PPP1R12B: variants seen among roughly 807,000 people sequenced by gnomAD.
PPP1R12B encodes protein phosphatase 1 regulatory subunit 12B, also known as myosin phosphatase target subunit 2.
PPP1R12B carries 76 observed loss-of-function variants against 126.1 expected under a neutral mutation model. That is an observed-to-expected ratio of 0.60 (90% confidence interval 0.50 to 0.73). PPP1R12B has a LOEUF of 0.73. Among genes scored for constraint, PPP1R12B ranks in the 30% least tolerant of loss-of-function variants. PPP1R12B has a pLI of 0.00. For synonymous variants in PPP1R12B, 356 were observed against 434.7 expected, an observed-to-expected ratio of 0.82 and a Z score of 2.25; for missense variants, 1,052 against 1,205.1, an observed-to-expected ratio of 0.87 and a Z score of 1.88.
chr1:202,477,573 T>C (rs532130700), intron 13 of PPP1R12B, among the ~76,000 whole-genome samples: 1 of 152,310 alleles, frequency 6.6e-6, no homozygotes, highest in South Asian at 2.1e-4. Context: ...TTTCTTTTCT[T>C]TTCTTTTTTA....
chr1:202,470,854 A>G (rs1675768730), intron 13 of PPP1R12B, among the ~76,000 whole-genome samples: 1 of 151,514 alleles, frequency 6.6e-6, no homozygotes, highest in Non-Finnish European at 1.5e-5. Flanking sequence ...GTAGTGAGCT[A>G]TGATCATGCC....
intron 15 of PPP1R12B, 124 bp downstream of exon 15, chr1:202,493,441 C>T: frequency 9.2e-7 from 1 of 1,086,440 alleles, no homozygotes; most frequent in Admixed American, 3.0e-5. Flanking sequence ...CTCAGTATGG[C>T]TGTCTTTAGT....
At chr1:202,560,631 G>T (rs1687417725) in intron 19 of PPP1R12B, among the ~76,000 whole-genome samples, 1 of 152,110 alleles carries the variant, frequency 6.6e-6, no homozygotes, top group African/African-American at 2.4e-5. Flanking sequence ...TTATCAGCAA[G>T]GTCTTTATGA....
chr1:202,549,920 G>A (rs546949049), intron 18 of PPP1R12B, among the ~76,000 whole-genome samples: 14 of 152,160 alleles, frequency 9.2e-5, no homozygotes, highest in Middle Eastern at 3.4e-3. Flanking sequence ...TGATCTCTCC[G>A]CTCCTATCCC....
At chr1:202,403,785 A>G (rs942948934) in intron 1 of PPP1R12B, among the ~76,000 whole-genome samples, 2 of 152,236 alleles carry the variant, frequency 1.3e-5, no homozygotes, top group Non-Finnish European at 2.9e-5. Context: ...AAAGACTTCT[A>G]AGACTTCCTT....
At position 202,431,549 on chromosome 1, in the gene PPP1R12B, T is replaced by C; in HGVS notation, c.1071T>C (p.Ser357=). 1 of 1,613,648 alleles carries C rather than the reference T, an allele frequency of 6.2e-7. No homozygotes were observed. Among genetic ancestry groups the C allele is most frequent in the Non-Finnish European group, 8.5e-7 (1 of 1,179,786 alleles). Residue 357 remains serine, a synonymous_variant, in exon 8 of 24, where the codon TCT becomes TCC. Coordinates refer to ENST00000608999, the MANE Select transcript of PPP1R12B (RefSeq NM_002481.4). ...AAATGGAGGAAGAAAATAAAGAATC[T>C]AGTAGCTCCAGCTCAGAGGAGGAGG... ...SQEMEEENKE[S]SSSSSEEEEG... is the part of the protein sequence containing the mutation.
At chr1:202,559,953 T>G (rs1241526136) in intron 19 of PPP1R12B, among the ~76,000 whole-genome samples, 1 of 152,118 alleles carries the variant, frequency 6.6e-6, no homozygotes, top group Non-Finnish European at 1.5e-5. Flanking sequence ...ATTAAAACAG[T>G]GAAGCACTAG....
At chr1:202,399,436 G>T (rs1338280262) in intron 1 of PPP1R12B, among the ~76,000 whole-genome samples, 4 of 151,796 alleles carry the variant, frequency 2.6e-5, no homozygotes, top group Non-Finnish European at 5.9e-5. Flanking sequence ...GTCCAAGCTG[G>T]TCTCAAACAA....
chr1:202,394,034 C>T lies in PPP1R12B; in HGVS notation c.292-22753C>T, dbSNP rs551966026. Among the ~76,000 whole-genome samples the T allele has an allele frequency of 1.8e-3, 275 of 152,268 alleles. 1 individual carries two copies. The highest frequency in any genetic ancestry group is 2.8e-3 in the Non-Finnish European group (189 of 68,022). On this transcript the variant is annotated intron_variant, in intron 1 of 23. Transcript: ENST00000608999. Reference sequence around the variant, plus strand: ...AGTACATATAATATGTCCCCATTTACGCTTTTAAAAATTCTGGAAGATGGC... The same window carrying T: ...AGTACATATAATATGTCCCCATTTATGCTTTTAAAAATTCTGGAAGATGGC...
At chr1:202,580,428 G>C in intron 23 of PPP1R12B, 46 bp from the exon 24 acceptor site, 1 of 1,520,236 alleles carries the variant, frequency 6.6e-7, no homozygotes, top group Non-Finnish European at 9.1e-7. Context: ...GGGCCAAGGA[G>C]GATCCTGCCA....
chr1:202,359,719 A>T (rs1571565799), intron 1 of PPP1R12B, among the ~76,000 whole-genome samples: 1 of 151,932 alleles, frequency 6.6e-6, no homozygotes, highest in East Asian at 2.0e-4. Flanking sequence ...CAGGAGAATC[A>T]CTTGAATCCG....
rs909302200 is a variant in PPP1R12B, at chr1:202,352,370, G to A, written c.291+3228G>A. 3.3e-5 allele frequency among the ~76,000 whole-genome samples: 5 copies of A among 152,034 alleles called. No homozygotes were observed. The South Asian group carries it at 1.0e-3, about 31-fold the overall frequency. On this transcript the variant is annotated intron_variant, in intron 1 of 23. Coordinates refer to ENST00000608999, the MANE Select transcript of PPP1R12B (RefSeq NM_002481.4). ...TGATATCTACCAAATTATTGCTGTGGGAAGAGGCAAGTGCCTACTTTCAGA... is the reference window on the plus strand; with the variant it reads ...TGATATCTACCAAATTATTGCTGTGAGAAGAGGCAAGTGCCTACTTTCAGA...
At position 202,367,786 on chromosome 1, in the gene PPP1R12B, C is replaced by T. The variant is rs187936638; in HGVS notation, c.291+18644C>T. ...TCTACAGTTTGATGGGTTTTGACAA[C>T]GTATACAACCATGTAACCAATATGG... On this transcript the variant is annotated intron_variant, in intron 1 of 23. Transcript: ENST00000608999. Among the ~76,000 whole-genome samples, 228 of 152,112 alleles carry T rather than the reference C, an allele frequency of 1.5e-3. 2 individuals are homozygous for T. The East Asian group carries it at 0.02, about 13-fold the overall frequency.
rs543617630 is a variant in PPP1R12B, at chr1:202,521,761, G to A, written c.2490+24939G>A. ...TACATCTGCTAGGAGTTGCAAAGGAGAAAAAAGAATGAATAAAAAAGTGGC... is the reference window on the plus strand; with the variant it reads ...TACATCTGCTAGGAGTTGCAAAGGAAAAAAAAGAATGAATAAAAAAGTGGC... On this transcript the variant is annotated intron_variant, in intron 18 of 23. Coordinates refer to ENST00000608999, the MANE Select transcript of PPP1R12B (RefSeq NM_002481.4). 2.0e-5 allele frequency among the ~76,000 whole-genome samples: 3 copies of A among 152,080 alleles called. No individual in the cohort carries two copies. The South Asian group carries it at 6.2e-4, about 32-fold the overall frequency.
intron 1 of PPP1R12B, among the ~76,000 whole-genome samples, chr1:202,350,596 G>A (rs779530640): frequency 6.6e-6 from 1 of 151,770 alleles, no homozygotes; most frequent in Non-Finnish European, 1.5e-5. Context: ...TCTTTGGGAA[G>A]GTGAATTCTT....
chr1:202,487,564 A>G (rs1026471722), intron 13 of PPP1R12B, among the ~76,000 whole-genome samples: 28 of 152,216 alleles, frequency 1.8e-4, no homozygotes, highest in African/African-American at 6.8e-4. Context: ...TAATACATTT[A>G]CAAACACAAT....
At chr1:202,417,321 A>C (rs558360716) in intron 2 of PPP1R12B, 39 of 985,204 alleles carry the variant, frequency 4.0e-5, no homozygotes, top group Middle Eastern at 5.2e-4. Flanking sequence ...AAATGAAGAT[A>C]AAAAATGCCT....
rs151303629 is a variant in PPP1R12B, at chr1:202,500,218, G to GCTCTCT, written c.2490+3418_2490+3423dup. 9.8e-3 allele frequency among the ~76,000 whole-genome samples: 1,440 copies of GCTCTCT among 146,222 alleles called. 13 individuals are homozygous for GCTCTCT. The highest frequency in any genetic ancestry group is 0.019 in the African/African-American group (759 of 39,478). ...GGTGCTCTCGCTGTCTCTCTCTCTT[G>GCTCTCT]CTCTCTCTCTCTCTCTCTCTCTCTC... On this transcript the variant is annotated intron_variant, in intron 18 of 23. Transcript: ENST00000608999.
chr1:202,387,705 C>T (rs959017244), intron 1 of PPP1R12B, among the ~76,000 whole-genome samples: 6 of 152,148 alleles, frequency 3.9e-5, no homozygotes, highest in Admixed American at 6.5e-5. Flanking sequence ...CCGTTTCTGC[C>T]TATCCCTTCA....
Sources: allele counts gnomAD v4.1 joint callset (sites outside exome capture counted in the v4.1 genomes callset), GRCh38; gene constraint gnomAD v4.1.1; transcripts MANE v1.5; gene names NCBI Gene and HGNC (gene_info 2026-07-23, HGNC 2026-07-21).